The following CCDC60 variants were observed in gnomAD, a reference collection of about 807,000 sequenced individuals.
The protein encoded by CCDC60 is coiled-coil domain containing 60.
A neutral mutation model predicts 63.5 loss-of-function variants in CCDC60; 54 were observed. The ratio of observed to expected loss-of-function variants is 0.85; its 90% CI spans 0.68 to 1.07. The LOEUF is 1.07. Among genes scored for constraint, CCDC60 ranks in the 50% least tolerant of loss-of-function variants. CCDC60 has a pLI of 0.00. For synonymous variants in CCDC60, 206 were observed against 238.8 expected (o/e 0.86, Z 1.27); for missense variants, 651 against 684.3 (o/e 0.95, Z 0.54).
chr12:119,387,014 T>C (rs1202716916), intron 1 of CCDC60, among the ~76,000 whole-genome samples: 36 of 110,322 alleles, frequency 3.3e-4, no homozygotes, highest in Admixed American at 5.9e-4. Context: ...TCTCTCTCCC[T>C]CCCTCCCCCT....
intron 7 of CCDC60, among the ~76,000 whole-genome samples, chr12:119,507,154 G>A (rs1952027641): frequency 6.6e-6 from 1 of 152,018 alleles, no homozygotes; most frequent in South Asian, 2.1e-4. Context: ...GATTCAAGGA[G>A]GCGAAAAAGG....
chr12:119,357,817 A>G (rs1415070049), intron 1 of CCDC60, among the ~76,000 whole-genome samples: 1 of 152,210 alleles, frequency 6.6e-6, no homozygotes, highest in African/African-American at 2.4e-5. Flanking sequence ...TCACATTGCT[A>G]TAAAGAAATA....
At chr12:119,490,234 C>A (rs1229768357) in intron 5 of CCDC60, among the ~76,000 whole-genome samples, 1 of 152,226 alleles carries the variant, frequency 6.6e-6, no homozygotes, top group Non-Finnish European at 1.5e-5. Flanking sequence ...ATCATGCATC[C>A]ATTGATAGAT....
At chr12:119,337,834 G>GTGTGTA (rs750983177) in intron 1 of CCDC60, among the ~76,000 whole-genome samples, 3,705 of 148,122 alleles carry the variant, frequency 0.025, 68 homozygotes, top group Middle Eastern at 0.13. Context: ...TTGTGTGTGT[G>GTGTGTA]TGTGTGTGTG....
intron 1 of CCDC60, among the ~76,000 whole-genome samples, chr12:119,426,421 T>A (rs1056351666): frequency 6.6e-6 from 1 of 152,112 alleles, no homozygotes; most frequent in African/African-American, 2.4e-5. Flanking sequence ...AGTGGCGCGA[T>A]CTCAGGTGAC....
chr12:119,530,475 G>A (rs528915897), intron 12 of CCDC60, among the ~76,000 whole-genome samples: 53 of 152,002 alleles, frequency 3.5e-4, no homozygotes, highest in Non-Finnish European at 7.2e-4. Flanking sequence ...CACACACACC[G>A]TCGTGTGTGA....
intron 7 of CCDC60, among the ~76,000 whole-genome samples, chr12:119,515,300 T>G (rs1484632863): frequency 6.6e-6 from 1 of 152,138 alleles, no homozygotes; most frequent in Non-Finnish European, 1.5e-5. Context: ...AATAAATATT[T>G]CCATACTATA....
chr12:119,391,123 A>C (rs1336582967), intron 1 of CCDC60, among the ~76,000 whole-genome samples: 3 of 152,150 alleles, frequency 2.0e-5, no homozygotes, highest in Non-Finnish European at 4.4e-5. Flanking sequence ...GATGAACCAA[A>C]TTCAAGAAGC....
intron 1 of CCDC60, among the ~76,000 whole-genome samples, chr12:119,395,428 G>C (rs1192043238): frequency 6.6e-6 from 1 of 152,168 alleles, no homozygotes; most frequent in Non-Finnish European, 1.5e-5. Flanking sequence ...AGGGGAAGCA[G>C]ACCCGTCTTA....
At chr12:119,475,789 T>C (rs1460263655) in intron 3 of CCDC60, among the ~76,000 whole-genome samples, 1 of 152,178 alleles carries the variant, frequency 6.6e-6, no homozygotes, top group Non-Finnish European at 1.5e-5. Context: ...TTAAATGAAA[T>C]GATACTTAGC....
intron 11 of CCDC60, 31 bp downstream of exon 11, chr12:119,523,849 A>G (rs757122781): frequency 1.2e-6 from 2 of 1,610,070 alleles, no homozygotes; most frequent in Admixed American, 3.4e-5. Context: ...ATTCATTCAA[A>G]CAGCATTCAC....
At chr12:119,515,966 A>G (rs1281613349) in intron 7 of CCDC60, among the ~76,000 whole-genome samples, 1 of 152,198 alleles carries the variant, frequency 6.6e-6, no homozygotes, top group Non-Finnish European at 1.5e-5. Context: ...AGCTTTGGAA[A>G]CAGTTCTCTC....
chr12:119,518,387 G>C (rs1027812841), intron 8 of CCDC60, among the ~76,000 whole-genome samples: 1 of 152,096 alleles, frequency 6.6e-6, no homozygotes, highest in African/African-American at 2.4e-5. Context: ...TGTAAAATGA[G>C]ATTGTGTCGC....
intron 13 of CCDC60, among the ~76,000 whole-genome samples, chr12:119,535,249 T>C (rs1952969336): frequency 6.6e-6 from 1 of 152,234 alleles, no homozygotes; most frequent in Admixed American, 6.5e-5. Context: ...TTCTGTGGGA[T>C]CAGTGGTGAT....
chr12:119,490,085 C>T (rs1014543879), intron 5 of CCDC60, among the ~76,000 whole-genome samples: 1 of 152,156 alleles, frequency 6.6e-6, no homozygotes, highest in African/African-American at 2.4e-5. Context: ...CGTGAGCCAC[C>T]GCGCCCGGCC....
intron 11 of CCDC60, 95 bp downstream of exon 11, chr12:119,523,913 C>T: frequency 7.5e-7 from 1 of 1,331,198 alleles, no homozygotes; most frequent in South Asian, 1.3e-5. Flanking sequence ...ATATCACAAA[C>T]AAGAAGAACT....
chr12:119,436,941 T>G (rs530774961), intron 2 of CCDC60, among the ~76,000 whole-genome samples: 3 of 152,198 alleles, frequency 2.0e-5, no homozygotes, highest in Non-Finnish European at 4.4e-5. Flanking sequence ...TGGATTTCCA[T>G]GAGACCTTTC....
At chr12:119,375,849 A>T (rs1404400753) in intron 1 of CCDC60, among the ~76,000 whole-genome samples, 2 of 152,098 alleles carry the variant, frequency 1.3e-5, no homozygotes, top group East Asian at 3.9e-4. Context: ...TTTCGAAATG[A>T]ATCAAGTCCT....
At chr12:119,495,381 T>C (rs1160583152) in intron 5 of CCDC60, among the ~76,000 whole-genome samples, 1 of 152,232 alleles carries the variant, frequency 6.6e-6, no homozygotes, top group Non-Finnish European at 1.5e-5. Flanking sequence ...TGTTATCACA[T>C]ATAAACTGCA....
Sources: gnomAD v4.1 joint callset for allele counts (sites outside exome capture counted in the v4.1 genomes callset) on GRCh38, gnomAD v4.1.1 for gene constraint, MANE v1.5 for transcripts, NCBI Gene and HGNC (gene_info 2026-07-23, HGNC 2026-07-21) for gene names.